The following ARHGEF3 variants were observed in gnomAD, a reference collection of about 807,000 sequenced individuals.
ARHGEF3 encodes Rho guanine nucleotide exchange factor 3, also known as 59.8 kDA protein.
A neutral mutation model predicts 63.2 loss-of-function variants in ARHGEF3; 28 were observed. The observed-to-expected ratio is 0.44, with a 90% CI of 0.33 to 0.61. The LOEUF (loss-of-function observed/expected upper bound fraction) is 0.61, where lower values mean the gene tolerates loss of function less well. Among genes scored for constraint, ARHGEF3 ranks in the 20% least tolerant of loss-of-function variants. The pLI is 0.03. For missense variants in ARHGEF3, 533 were observed against 659.3 expected (o/e 0.81, Z 2.10); for synonymous variants, 266 against 254.2 (o/e 1.05, Z -0.44).
At chr3:56,793,844 T>A (rs1478266954) in intron 1 of ARHGEF3, among the ~76,000 whole-genome samples, 1 of 152,246 alleles carries the variant, frequency 6.6e-6, no homozygotes, top group Non-Finnish European at 1.5e-5. Context: ...GTCTGTCATT[T>A]TTATTTCAAA....
At chr3:56,939,155 A>G (rs895885802) in intron 3 of ARHGEF3, among the ~76,000 whole-genome samples, 1 of 152,216 alleles carries the variant, frequency 6.6e-6, no homozygotes, top group African/African-American at 2.4e-5. Flanking sequence ...AGAAAATCCA[A>G]TAACAGGACT....
chr3:56,970,991 G>T (rs956241073), intron 2 of ARHGEF3, among the ~76,000 whole-genome samples: 4 of 152,212 alleles, frequency 2.6e-5, no homozygotes, highest in Non-Finnish European at 4.4e-5. Context: ...AGCTCTTAGT[G>T]ACTGGAGCAC....
chr3:56,876,403 G>T (rs2040586961), intron 4 of ARHGEF3, among the ~76,000 whole-genome samples: 1 of 152,180 alleles, frequency 6.6e-6, no homozygotes, highest in Non-Finnish European at 1.5e-5. Flanking sequence ...CTCAATGAGG[G>T]TCTTGCAGTC....
chr3:56,901,528 T>C (rs2041508995), intron 3 of ARHGEF3, among the ~76,000 whole-genome samples: 1 of 151,804 alleles, frequency 6.6e-6, no homozygotes, highest in Admixed American at 6.6e-5. Flanking sequence ...TAATGAATAC[T>C]AAACCATTGC....
At chr3:56,767,074 C>A (rs1007568749) in intron 2 of ARHGEF3, among the ~76,000 whole-genome samples, 1 of 151,386 alleles carries the variant, frequency 6.6e-6, no homozygotes, top group Non-Finnish European at 1.5e-5. Flanking sequence ...CTTTGGGAGG[C>A]CAGGGTGGTA....
chr3:56,956,342 C>CA (rs1700043916), intron 3 of ARHGEF3, among the ~76,000 whole-genome samples: 1 of 152,048 alleles, frequency 6.6e-6, no homozygotes, highest in Non-Finnish European at 1.5e-5. Flanking sequence ...TGGGCTCAAG[C>CA]AATCCTCCTG....
chr3:56,935,980 C>T (rs376577125), intron 3 of ARHGEF3, among the ~76,000 whole-genome samples: 3 of 152,284 alleles, frequency 2.0e-5, no homozygotes, highest in South Asian at 2.1e-4. Flanking sequence ...GTGACAGATC[C>T]ATTTGACCTT....
At position 56,729,378 on chromosome 3, in the gene ARHGEF3, A is replaced by C. The variant is rs889689320; in HGVS notation, c.1473T>G (p.Ser491Arg). 3 of 1,613,926 alleles carry C rather than the reference A, an allele frequency of 1.9e-6. No homozygotes were observed. The highest frequency in any genetic ancestry group is 2.7e-5 in the African/African-American group (2 of 74,872). Residue 491 changes from serine to arginine, a missense_variant, in exon 10 of 10, where the codon AGT (serine) becomes AGG (arginine). By Grantham distance (110) the Ser-to-Arg change is moderately radical. Coordinates refer to ENST00000296315, the MANE Select transcript of ARHGEF3 (RefSeq NM_019555.3). ...TCGTGTCCATACTACAGTCTGACTC[A>C]CTGTCCGATTGGTCCATCTGCTCAA... ...TKLEQMDQSDSESDCSMDTSE... is the reference protein window; with the variant it reads ...TKLEQMDQSDRESDCSMDTSE...
chr3:56,920,800 C>T (rs2042107626), intron 3 of ARHGEF3, among the ~76,000 whole-genome samples: 1 of 152,148 alleles, frequency 6.6e-6, no homozygotes, highest in Non-Finnish European at 1.5e-5. Flanking sequence ...TGCCTGTAAT[C>T]CCAGCACTTT....
At chr3:57,065,544 CACTACCGTATGCATGTGCTAAAAA>C (rs1168221944) in intron 1 of ARHGEF3, among the ~76,000 whole-genome samples, 2 of 152,140 alleles carry the variant, frequency 1.3e-5, no homozygotes, top group African/African-American at 4.8e-5. Flanking sequence ...GTGATATCTG[CACTACCGTATGCATGTGCTAAAAA>C]ACAGACTGGG....
At chr3:56,862,093 T>A (rs961108311) in intron 4 of ARHGEF3, among the ~76,000 whole-genome samples, 1 of 151,750 alleles carries the variant, frequency 6.6e-6, no homozygotes, top group African/African-American at 2.4e-5. Context: ...AATGAAAGAG[T>A]AAGCCCCTGA....
chr3:56,804,021 A>G (rs2107979977), upstream of ARHGEF3, among the ~76,000 whole-genome samples: 1 of 151,618 alleles, frequency 6.6e-6, no homozygotes, highest in South Asian at 2.1e-4. Context: ...AGTAGCTGGG[A>G]CTACAGGCCT....
chr3:56,811,284 C>T (rs906724020), intron 4 of ARHGEF3, among the ~76,000 whole-genome samples: 4 of 150,710 alleles, frequency 2.7e-5, no homozygotes, highest in South Asian at 2.1e-4. Context: ...ACAGCATTTA[C>T]GTTTTTAAAA....
At chr3:57,074,501 A>C (rs769565522) in intron 1 of ARHGEF3, 17 of 559,588 alleles carry the variant, frequency 3.0e-5, no homozygotes, top group Non-Finnish European at 4.9e-5. Context: ...AGGTCACACA[A>C]TCCAGATCTC....
chr3:56,967,670 ATACT>A lies in ARHGEF3; in HGVS notation c.63-8785_63-8782del, dbSNP rs578249542. ...ATATATAAAATAGCTATTATATATA[ATACT>A]TATTATATTATATATAACATAATAA... On this transcript the variant is annotated intron_variant, in intron 2 of 12. Transcript: ENST00000338458. Among the ~76,000 whole-genome samples the A allele has an allele frequency of 3.0e-4, 25 of 82,608 alleles. No homozygotes were observed. The Admixed American group carries it at 5.5e-3, about 18-fold the overall frequency. 54.2% of individuals were successfully genotyped at this position (82,608 alleles called of 152,430 possible). A position where few individuals can be genotyped will look rare whatever the true frequency, so the allele number is the denominator to read the frequency against.
rs372279994 is a variant in ARHGEF3 at position 57,021,282 on chromosome 3, CA to C, written c.62+13805del. Among the ~76,000 whole-genome samples, 848 of 151,988 alleles carry C rather than the reference CA, an allele frequency of 5.6e-3. 14 individuals carry two copies. The highest frequency in any genetic ancestry group is 0.02 in the African/African-American group (815 of 41,412). ...CTTAGATGCCAATCTTGTTGAATTC[CA>C]ACATATATTCCTGATTGAAAAAAGA... On this transcript the variant is annotated intron_variant, in intron 2 of 12. Coordinates refer to the ARHGEF3 transcript ENST00000338458.
chr3:56,784,478 CCACGGGGT>C (rs1424715575), intron 1 of ARHGEF3, among the ~76,000 whole-genome samples: 1 of 152,230 alleles, frequency 6.6e-6, no homozygotes, highest in Non-Finnish European at 1.5e-5. Context: ...CTGGTCACAG[CCACGGGGT>C]CCAGAGGACA....
intron 1 of ARHGEF3, among the ~76,000 whole-genome samples, chr3:57,064,211 G>A (rs1303433249): frequency 6.6e-6 from 1 of 152,194 alleles, no homozygotes; most frequent in Non-Finnish European, 1.5e-5. Context: ...AGAGGTTGCA[G>A]TGAGCTGAGA....
In ARHGEF3 at chr3:56,773,766, T is replaced by C; in HGVS notation, c.147A>G (p.Ala49=). ...VKPLSRVTSL[A]NLIPPVKATP... The stretch of plus-strand genomic sequence containing the variant: ...TGGCCTTCACGGGCGGGATGAGGTT[T>C]GCTAGCGACGTGACTCGGGAAAGGG... Residue 49 remains alanine (A), a synonymous_variant, in exon 2 of 10, where the codon GCA becomes GCG. Transcript: ENST00000296315. 6.2e-7 allele frequency: 1 copy of C among 1,603,122 alleles called. No individual in the cohort carries two copies. The highest frequency in any genetic ancestry group is 8.5e-7 in the Non-Finnish European group (1 of 1,175,980).
Sources: gnomAD v4.1 joint callset for allele counts (sites outside exome capture counted in the v4.1 genomes callset) on GRCh38, gnomAD v4.1.1 for gene constraint, MANE v1.5 for transcripts, NCBI Gene and HGNC (gene_info 2026-07-23, HGNC 2026-07-21) for gene names.